The following UGT1A10 variants were observed in gnomAD, a reference collection of about 807,000 sequenced individuals.
The protein encoded by UGT1A10 is UDP-glucuronosyltransferase 1A10.
UGT1A10 carries 49 observed loss-of-function variants against 45.8 expected under a neutral mutation model. The ratio of observed to expected loss-of-function variants is 1.07; its 90% CI spans 0.85 to 1.36. The LOEUF (loss-of-function observed/expected upper bound fraction) is 1.36, where lower values mean the gene tolerates loss of function less well. Among genes scored for constraint, UGT1A10 ranks in the 40% most tolerant of loss-of-function variants. The probability of loss-of-function intolerance (pLI) is 0.00; values close to 1 mark genes in which losing one functional copy is unlikely to be tolerated. For missense variants in UGT1A10, 745 were observed against 668.6 expected (o/e 1.11, Z -1.26); for synonymous variants, 284 against 249.7 (o/e 1.14, Z -1.29).
At chr2:233,639,252 A>T (rs1187939820) in intron 1 of UGT1A10, among the ~76,000 whole-genome samples, 2 of 152,228 alleles carry the variant, frequency 1.3e-5, no homozygotes, top group African/African-American at 2.4e-5. Flanking sequence ...AAGAATATAC[A>T]CATGTATGAA....
At chr2:233,724,138 G>A (rs2077174540) in intron 1 of UGT1A10, among the ~76,000 whole-genome samples, 1 of 122,456 alleles carries the variant, frequency 8.2e-6, no homozygotes, top group Non-Finnish European at 1.7e-5. Context: ...CTCCCGGACG[G>A]GGCGGCTGGC....
At chr2:233,764,396 C>G (rs1202361734) in intron 1 of UGT1A10, among the ~76,000 whole-genome samples, 1 of 152,202 alleles carries the variant, frequency 6.6e-6, no homozygotes, top group African/African-American at 2.4e-5. Flanking sequence ...GTGATGACAA[C>G]TTCTCTGCAG....
At chr2:233,728,122 T>C (rs534141246) in intron 1 of UGT1A10, among the ~76,000 whole-genome samples, 2 of 152,362 alleles carry the variant, frequency 1.3e-5, no homozygotes, top group Non-Finnish European at 2.9e-5. Context: ...TCTTGAAATT[T>C]GGACTAGGGC....
At position 233,684,942 on chromosome 2, in the gene UGT1A10, T is replaced by C. The variant is rs578050971; in HGVS notation, c.855+47565T>C. On this transcript the variant is annotated intron_variant, in intron 1 of 4. Coordinates refer to ENST00000344644, the MANE Select transcript of UGT1A10 (RefSeq NM_019075.4). ...TAGACAACAGGATTCATAGTCTGCA[T>C]TTCATCTGTCTGATGAAAAGAAAGC... Among the ~76,000 whole-genome samples the C allele has an allele frequency of 7.6e-4, 108 of 142,990 alleles. 1 individual carries two copies. Among genetic ancestry groups the C allele is most frequent in the African/African-American group, 2.4e-3 (97 of 40,426 alleles). The allele number at this position is 142,990 out of a possible 152,430, so 93.8% of individuals were successfully genotyped here.
At chr2:233,752,155 C>T (rs1694901340) in intron 1 of UGT1A10, among the ~76,000 whole-genome samples, 1 of 152,178 alleles carries the variant, frequency 6.6e-6, no homozygotes, top group African/African-American at 2.4e-5. Flanking sequence ...CTTCTAGATG[C>T]TTTCTAGTGT....
At chr2:233,690,671 C>T in intron 1 of UGT1A10, 2 of 1,267,248 alleles carry the variant, frequency 1.6e-6, no homozygotes, top group Non-Finnish European at 1.0e-6. Context: ...CCAGGGCAGG[C>T]CTGGGTCTCC....
chr2:233,671,970 A>ATG, intron 1 of UGT1A10: 3 of 1,613,766 alleles, frequency 1.9e-6, no homozygotes, highest in Non-Finnish European at 2.5e-6. Context: ...CCCTTCCTCT[A>ATG]TGTGTGTGTC....
chr2:233,702,773 G>A (rs1177532005), intron 1 of UGT1A10, among the ~76,000 whole-genome samples: 1 of 152,128 alleles, frequency 6.6e-6, no homozygotes, highest in Non-Finnish European at 1.5e-5. Flanking sequence ...TAATTGATTT[G>A]CAGGTGTAAA....
At chr2:233,640,331 T>C (rs1472669269) in intron 1 of UGT1A10, among the ~76,000 whole-genome samples, 3 of 152,178 alleles carry the variant, frequency 2.0e-5, no homozygotes, top group Non-Finnish European at 4.4e-5. Flanking sequence ...AAAGAAACTT[T>C]TTGGCTGTCA....
rs45449797 is a variant in UGT1A10, at chr2:233,730,263, G to A, written c.856-36771G>A. ...ACTGGTGTGACTCATAGAGACTGTT[G>A]GTTTGTAAAGGCACCATCTTCATGG... is the stretch of plus-strand genomic sequence containing the variant. On this transcript the variant is annotated intron_variant, in intron 1 of 4. Coordinates refer to ENST00000344644, the MANE Select transcript of UGT1A10 (RefSeq NM_019075.4). 4.3e-4 allele frequency among the ~76,000 whole-genome samples: 66 copies of A among 152,188 alleles called. 2 individuals are homozygous for A. In the East Asian group the frequency reaches 0.011, roughly 26 times the overall value.
intron 1 of UGT1A10, among the ~76,000 whole-genome samples, chr2:233,715,081 T>C (rs2076431286): frequency 1.3e-5 from 2 of 152,268 alleles, no homozygotes; most frequent in South Asian, 4.1e-4. Flanking sequence ...AGATGGAGTT[T>C]CATCATATTG....
At chr2:233,753,529 A>G (rs538276746) in intron 1 of UGT1A10, 1 of 152,278 alleles carries the variant, frequency 6.6e-6, no homozygotes, top group East Asian at 1.9e-4. Flanking sequence ...TTTTGCTCTC[A>G]TGCAAACTTT....
intron 1 of UGT1A10, chr2:233,648,031 C>G (rs943653984): frequency 6.3e-7 from 1 of 1,596,308 alleles, no homozygotes; most frequent in Non-Finnish European, 8.5e-7. Flanking sequence ...GAGTTGGCAA[C>G]TGGGAAGATC....
intron 1 of UGT1A10, among the ~76,000 whole-genome samples, chr2:233,656,746 A>T (rs13402456): frequency 0.042 from 6,431 of 151,874 alleles, 217 homozygotes; most frequent in Middle Eastern, 0.082. Context: ...CGTGGCTGTG[A>T]CTCAGTTTTG....
At chr2:233,673,406 A>AT (rs906939250) in intron 1 of UGT1A10, among the ~76,000 whole-genome samples, 21 of 152,096 alleles carry the variant, frequency 1.4e-4, no homozygotes, top group African/African-American at 4.6e-4. Context: ...GGCATTTTGC[A>AT]TTTTTTGTCT....
intron 4 of UGT1A10, 35 bp downstream of exon 4, chr2:233,768,474 T>C (rs1361024311): frequency 6.3e-7 from 1 of 1,597,622 alleles, no homozygotes; most frequent in Non-Finnish European, 8.5e-7. Flanking sequence ...ACTTTGGTCA[T>C]GGCATTCATG....
At chr2:233,661,548 T>A (rs540575133) in intron 1 of UGT1A10, among the ~76,000 whole-genome samples, 61 of 152,298 alleles carry the variant, frequency 4.0e-4, no homozygotes, top group Non-Finnish European at 6.8e-4. Context: ...ATTTTTAATA[T>A]GAGATAAAAA....
Position 233,718,755 on chromosome 2 carries a change from C to T in UGT1A10, c.856-48279C>T, listed in dbSNP as rs372600165. 8.4e-5 allele frequency: 135 copies of T among 1,612,200 alleles called. 1 individual carries two copies. The highest frequency in any genetic ancestry group is 4.7e-4 in the African/African-American group (35 of 74,854). On this transcript the variant is annotated intron_variant, in intron 1 of 4. Coordinates refer to ENST00000344644, the MANE Select transcript of UGT1A10 (RefSeq NM_019075.4). ...TGGCTCAATGACAAGGTAATTAAGGCGAAGGAAACAAATGTAGCAGGCACA... is the reference window on the plus strand; with the variant it reads ...TGGCTCAATGACAAGGTAATTAAGGTGAAGGAAACAAATGTAGCAGGCACA...
rs138617806 is a variant in UGT1A10 at position 233,729,585 on chromosome 2, C to A, written c.856-37449C>A. The A allele has an allele frequency of 2.5e-6, 4 of 1,613,966 alleles. No homozygotes were observed. The African/African-American group carries it at 5.3e-5, about 22-fold the overall frequency. The stretch of plus-strand genomic sequence containing the variant: ...CCTTTGATGTGGTTTTAACAGACCC[C>A]GTTAACCTCTGCGCGGCAGTGCTGG... On this transcript the variant is annotated intron_variant, in intron 1 of 4. Coordinates refer to ENST00000344644, the MANE Select transcript of UGT1A10 (RefSeq NM_019075.4).
Sources: allele counts gnomAD v4.1 joint callset (sites outside exome capture counted in the v4.1 genomes callset), GRCh38; gene constraint gnomAD v4.1.1; transcripts MANE v1.5; gene names NCBI Gene and HGNC (gene_info 2026-07-23, HGNC 2026-07-21).